ATG7: variants seen among roughly 807,000 people sequenced by gnomAD.
ATG7 encodes the protein autophagy related 7, also known as ubiquitin-like modifier-activating enzyme ATG7.
In ATG7, 70 loss-of-function variants were observed where a neutral mutation model predicts 82.4. The ratio of observed to expected loss-of-function variants is 0.85; its 90% confidence interval spans 0.70 to 1.04. The LOEUF (loss-of-function observed/expected upper bound fraction) is 1.04, where lower values mean the gene tolerates loss of function less well. ATG7 is among the 50% of genes least tolerant of loss of function. The pLI, the probability that ATG7 is intolerant of heterozygous loss-of-function variation, is 0.00. For missense variants in ATG7, 792 were observed against 864.3 expected, an observed-to-expected ratio of 0.92 and a Z score of 1.05; for synonymous variants, 287 against 313.0, an observed-to-expected ratio of 0.92 and a Z score of 0.88.
chr3:11,397,171 G>A (rs9814907), intron 19 of ATG7, among the ~76,000 whole-genome samples: 77,987 of 151,822 alleles, frequency 0.51, 20,926 homozygotes, highest in East Asian at 0.68. Flanking sequence ...CATTATACAA[G>A]CAATATATCT....
chr3:11,540,395 A>G (rs1393716320), intron 20 of ATG7, among the ~76,000 whole-genome samples: 2 of 152,150 alleles, frequency 1.3e-5, no homozygotes, highest in African/African-American at 2.4e-5. Flanking sequence ...TCTTTTGCCC[A>G]TGTTTCCATC....
chr3:11,518,165 G>A (rs2092336424), intron 20 of ATG7, among the ~76,000 whole-genome samples: 1 of 152,150 alleles, frequency 6.6e-6, no homozygotes, highest in African/African-American at 2.4e-5. Context: ...TGTAGAGAGA[G>A]GGAGCAGGAA....
Position 11,360,797 on chromosome 3 carries a change from C to G in ATG7, c.1683+13C>G, listed in dbSNP as rs1223049095. On this transcript the variant is annotated intron_variant, in intron 16 of 20. Coordinates refer to ENST00000693202, the MANE Select transcript of ATG7 (RefSeq NM_001349232.2). ...GGCCCCAGGAGATGTAAGTGGATTT[C>G]TCTATAGTTCCAAATATTTCCTATC... The G allele has an allele frequency of 1.9e-6, 3 of 1,613,622 alleles. No individual in the cohort carries two copies. The highest frequency in any genetic ancestry group is 1.3e-5 in the African/African-American group (1 of 74,916).
At chr3:11,365,214 C>T (rs1187976543) in intron 18 of ATG7, among the ~76,000 whole-genome samples, 1 of 152,168 alleles carries the variant, frequency 6.6e-6, no homozygotes, top group African/African-American at 2.4e-5. Context: ...CATAGGCCCT[C>T]AACAAACAAT....
chr3:11,534,742 G>A (rs142414463), intron 20 of ATG7, among the ~76,000 whole-genome samples: 5 of 152,320 alleles, frequency 3.3e-5, no homozygotes, highest in African/African-American at 1.2e-4. Flanking sequence ...GCGCAGCCTG[G>A]TAGGCCTCTT....
chr3:11,543,846 G>A (rs537988269), intron 20 of ATG7, among the ~76,000 whole-genome samples: 3 of 152,234 alleles, frequency 2.0e-5, no homozygotes, highest in African/African-American at 7.2e-5. Context: ...GGGGACGGGA[G>A]GGGGAGGACC....
At chr3:11,425,909 T>G (rs572691670) in intron 19 of ATG7, among the ~76,000 whole-genome samples, 1 of 152,252 alleles carries the variant, frequency 6.6e-6, no homozygotes, top group South Asian at 2.1e-4. Context: ...GTACAGTACA[T>G]ACTGCTTCTT....
chr3:11,343,321 C>T (rs1953971431), intron 13 of ATG7, among the ~76,000 whole-genome samples: 1 of 152,178 alleles, frequency 6.6e-6, no homozygotes, highest in Non-Finnish European at 1.5e-5. Context: ...CTGGATATAT[C>T]AACTTTTGAA....
At chr3:11,478,156 A>T (rs1335521098) in intron 20 of ATG7, among the ~76,000 whole-genome samples, 1 of 152,066 alleles carries the variant, frequency 6.6e-6, no homozygotes, top group East Asian at 1.9e-4. Flanking sequence ...TATTAGTATG[A>T]CCCCATCGGT....
At chr3:11,516,124 G>A (rs185987636) in intron 20 of ATG7, among the ~76,000 whole-genome samples, 1 of 151,940 alleles carries the variant, frequency 6.6e-6, no homozygotes, top group African/African-American at 2.4e-5. Context: ...GTTAGTTTCT[G>A]GGGACTCTGA....
intron 3 of ATG7, among the ~76,000 whole-genome samples, chr3:11,287,085 T>A (rs1463483675): frequency 2.0e-5 from 3 of 152,114 alleles, no homozygotes; most frequent in Non-Finnish European, 4.4e-5. Flanking sequence ...TTTCTAAAAT[T>A]CATCCTAGTA....
intron 20 of ATG7, among the ~76,000 whole-genome samples, chr3:11,465,853 AG>A (rs1290680702): frequency 1.3e-5 from 2 of 152,158 alleles, no homozygotes; most frequent in Non-Finnish European, 2.9e-5. Context: ...GATAAGAAGA[AG>A]GGGAGAGAAT....
chr3:11,345,549 A>G (rs1954395513), intron 13 of ATG7, among the ~76,000 whole-genome samples: 1 of 152,184 alleles, frequency 6.6e-6, no homozygotes, highest in South Asian at 2.1e-4. Flanking sequence ...ATTGACATAA[A>G]ATACATATGG....
intron 20 of ATG7, among the ~76,000 whole-genome samples, chr3:11,456,589 T>C (rs1014715866): frequency 6.6e-6 from 1 of 152,214 alleles, no homozygotes; most frequent in Admixed American, 6.5e-5. Context: ...CCATGGTGTT[T>C]CGCTTAACAC....
At chr3:11,498,154 TATAC>T (rs560078835) in intron 20 of ATG7, among the ~76,000 whole-genome samples, 4 of 152,086 alleles carry the variant, frequency 2.6e-5, no homozygotes, top group African/African-American at 7.2e-5. Flanking sequence ...TATACACACA[TATAC>T]ATACATACAT....
chr3:11,465,938 T>G (rs1220488327), intron 20 of ATG7, among the ~76,000 whole-genome samples: 1 of 152,206 alleles, frequency 6.6e-6, no homozygotes, highest in East Asian at 1.9e-4. Context: ...ATAACTTTGC[T>G]CTCTGGATCA....
At chr3:11,280,769 C>T (rs974456674) in intron 1 of ATG7, among the ~76,000 whole-genome samples, 1 of 151,936 alleles carries the variant, frequency 6.6e-6, no homozygotes, top group African/African-American at 2.4e-5. Context: ...TTGCCTATTC[C>T]CCCTGCTCTT....
At chr3:11,534,014 A>G (rs1052072077) in intron 20 of ATG7, among the ~76,000 whole-genome samples, 1 of 152,218 alleles carries the variant, frequency 6.6e-6, no homozygotes, top group Non-Finnish European at 1.5e-5. Flanking sequence ...CCAGAATTTC[A>G]GCACTTGTGA....
At chr3:11,283,109 G>A (rs957595677) in intron 3 of ATG7, among the ~76,000 whole-genome samples, 6 of 152,152 alleles carry the variant, frequency 3.9e-5, no homozygotes, top group African/African-American at 1.2e-4. Context: ...CAGAGAAATC[G>A]GACACTGAGT....
Sources: allele counts gnomAD v4.1 joint callset (sites outside exome capture counted in the v4.1 genomes callset), GRCh38; gene constraint gnomAD v4.1.1; transcripts MANE v1.5; gene names NCBI Gene and HGNC (gene_info 2026-07-23, HGNC 2026-07-21).